Variants in MAP3K15 observed in about 807,000 individuals in gnomAD.
MAP3K15 encodes the protein MAPK/ERK kinase kinase 15.
Under a neutral mutation model 99.5 loss-of-function variants are expected in MAP3K15, and 124 were observed. The ratio of observed to expected loss-of-function variants is 1.25; its 90% CI spans 1.08 to 1.45. MAP3K15 has a LOEUF of 1.45. Ranked by LOEUF, MAP3K15 falls within the 40% of genes most tolerant of loss-of-function variation. MAP3K15 has a pLI of 0.00. For missense variants in MAP3K15, 1,242 were observed against 1,079.7 expected, an observed-to-expected ratio of 1.15 and a Z score of -2.11; for synonymous variants, 494 against 439.6, an observed-to-expected ratio of 1.12 and a Z score of -1.55.
intron 18 of MAP3K15, 89 bp from the exon 19 acceptor site, chrX:19,380,366 C>A: frequency 1.0e-6 from 1 of 995,330 alleles, no homozygotes. Context: ...GAGGCTGAGG[C>A]AGGAGGATCA....
rs369112652 is a variant in MAP3K15, at chrX:19,415,301, C to A, written c.1440-44G>T. The stretch of plus-strand genomic sequence containing the variant: ...GCAATATATTGGATTCCTAAAGAAA[C>A]TGAATTCAATTCAAGTCCCTTTAAA... On this transcript the variant is annotated intron_variant, in intron 9 of 28. Coordinates refer to ENST00000338883, the MANE Select transcript of MAP3K15 (RefSeq NM_001001671.4). The A allele has an allele frequency of 4.3e-5, 46 of 1,079,974 alleles. No individual in the cohort carries two copies. In the African/African-American group the frequency reaches 5.8e-4, roughly 14 times the overall value. 89.0% of individuals were successfully genotyped at this position (1,079,974 alleles called of 1,213,427 possible). A position where few individuals can be genotyped will look rare whatever the true frequency, so the allele number is the denominator to read the frequency against.
At chrX:19,510,105 T>C (rs1018748559) in intron 1 of MAP3K15, among the ~76,000 whole-genome samples, 3 of 111,576 alleles carry the variant, frequency 2.7e-5, no homozygotes, top group Admixed American at 1.9e-4. Context: ...AGTAATAGCC[T>C]ACCAACTAAA....
At chrX:19,428,206 A>G (rs900110762) in intron 7 of MAP3K15, among the ~76,000 whole-genome samples, 1 of 111,603 alleles carries the variant, frequency 9.0e-6, no homozygotes, top group Non-Finnish European at 1.9e-5. Context: ...GATATCCAAG[A>G]TAGATCTTAT....
chrX:19,403,577 G>A (rs1419542731), intron 13 of MAP3K15, among the ~76,000 whole-genome samples: 1 of 103,619 alleles, frequency 9.7e-6, no homozygotes, highest in Non-Finnish European at 1.9e-5. Context: ...TCCCACTTCT[G>A]CCTCCTGAGT....
chrX:19,430,073 G>A (rs772702688), intron 7 of MAP3K15, among the ~76,000 whole-genome samples: 2 of 111,877 alleles, frequency 1.8e-5, no homozygotes, highest in African/African-American at 6.5e-5. Context: ...TCCTCCCATC[G>A]CAATATGCAT....
At chrX:19,438,171 G>A (rs746464493) in intron 6 of MAP3K15, among the ~76,000 whole-genome samples, 14 of 111,707 alleles carry the variant, frequency 1.3e-4, no homozygotes, top group Non-Finnish European at 5.6e-5. Context: ...ACTGAGTGGT[G>A]TGATCACGGC....
chrX:19,459,556 A>G (rs955452928), intron 5 of MAP3K15, among the ~76,000 whole-genome samples: 10 of 112,221 alleles, frequency 8.9e-5, no homozygotes, highest in African/African-American at 3.2e-4. Flanking sequence ...TGTCTATAAA[A>G]CGGCCACCTC....
intron 6 of MAP3K15, among the ~76,000 whole-genome samples, chrX:19,441,515 G>A (rs1289757954): frequency 8.9e-6 from 1 of 111,945 alleles, no homozygotes; most frequent in African/African-American, 3.2e-5. Flanking sequence ...TGGGTCCGTC[G>A]TCCAGGCTGG....
chrX:19,371,884 G>A (rs889952921), intron 22 of MAP3K15, among the ~76,000 whole-genome samples: 11 of 111,545 alleles, frequency 9.9e-5, no homozygotes, highest in Non-Finnish European at 1.9e-4. Context: ...TGTAATCCCA[G>A]CACTTTGGGA....
chrX:19,469,463 G>C (rs926882509), intron 3 of MAP3K15, among the ~76,000 whole-genome samples: 1 of 111,488 alleles, frequency 9.0e-6, no homozygotes, highest in East Asian at 2.8e-4. Flanking sequence ...GAAAACCTAG[G>C]CAATACCTTT....
intron 1 of MAP3K15, among the ~76,000 whole-genome samples, chrX:19,501,258 T>G (rs2064438584): frequency 8.9e-6 from 1 of 111,855 alleles, no homozygotes; most frequent in South Asian, 3.7e-4. Context: ...CCATCTTTAA[T>G]CGCCTACTGT....
At chrX:19,499,855 G>A (rs933403601) in intron 1 of MAP3K15, among the ~76,000 whole-genome samples, 4 of 112,317 alleles carry the variant, frequency 3.6e-5, no homozygotes, top group African/African-American at 9.7e-5. Context: ...TCTATATTGC[G>A]ATGGGGGTTG....
At chrX:19,502,497 C>T (rs2064447149) in intron 1 of MAP3K15, among the ~76,000 whole-genome samples, 1 of 111,530 alleles carries the variant, frequency 9.0e-6, no homozygotes, top group African/African-American at 3.3e-5. Context: ...TAAGCCCTCC[C>T]CAGCCATGCT....
chrX:19,415,393 G>A, intron 9 of MAP3K15, 136 bp from the exon 10 acceptor site: 1 of 533,407 alleles, frequency 1.9e-6, no homozygotes, highest in Non-Finnish European at 2.7e-6. Context: ...ATAAACGACT[G>A]CTCAGCAGCC....
intron 21 of MAP3K15, chrX:19,373,308 G>A (rs1327085004): frequency 2.5e-6 from 1 of 393,614 alleles, no homozygotes; most frequent in Non-Finnish European, 4.3e-6. Flanking sequence ...AGGAGAGGTG[G>A]GGGAGGGCAC....
At chrX:19,387,413 G>T (rs930518983) in intron 18 of MAP3K15, among the ~76,000 whole-genome samples, 1 of 111,697 alleles carries the variant, frequency 9.0e-6, no homozygotes, top group African/African-American at 3.3e-5. Flanking sequence ...GATTGACAGG[G>T]TCTCATTCTG....
At chrX:19,505,055 AAATAAT>A (rs1157381256) in intron 1 of MAP3K15, among the ~76,000 whole-genome samples, 2 of 110,939 alleles carry the variant, frequency 1.8e-5, no homozygotes, top group African/African-American at 6.5e-5. Flanking sequence ...TTTATGTAAA[AAATAAT>A]AATAAAAATA....
intron 1 of MAP3K15, among the ~76,000 whole-genome samples, chrX:19,490,338 C>T (rs765850470): frequency 1.3e-4 from 14 of 111,621 alleles, no homozygotes; most frequent in African/African-American, 4.6e-4. Context: ...TACGTTTTCG[C>T]TTCTGTATAG....
chrX:19,412,870 G>C (rs1474817086), intron 11 of MAP3K15, among the ~76,000 whole-genome samples: 5 of 109,983 alleles, frequency 4.5e-5, no homozygotes, highest in Non-Finnish European at 9.5e-5. Flanking sequence ...AAGTAGTTGG[G>C]ACTACAGGTG....
Sources: gnomAD v4.1 joint callset for allele counts (sites outside exome capture counted in the v4.1 genomes callset) on GRCh38, gnomAD v4.1.1 for gene constraint, MANE v1.5 for transcripts, NCBI Gene and HGNC (gene_info 2026-07-23, HGNC 2026-07-21) for gene names.